Variants in RBM47 observed in about 807,000 individuals in gnomAD.
The protein encoded by RBM47 is RNA-binding protein 47.
In RBM47, 21 loss-of-function variants were observed where a neutral mutation model predicts 47.1. That is an observed-to-expected ratio of 0.45 (90% CI 0.32 to 0.64). RBM47 has a LOEUF of 0.64. Ranked by LOEUF, RBM47 falls within the 30% of genes least tolerant of loss-of-function variation. RBM47 has a pLI of 0.05. For synonymous variants in RBM47, 375 were observed against 361.7 expected (o/e 1.04, Z -0.42); for missense variants, 708 against 870.9 (o/e 0.81, Z 2.35).
intron 1 of RBM47, among the ~76,000 whole-genome samples, chr4:40,598,132 A>C (rs934395724): frequency 6.6e-6 from 1 of 152,232 alleles, no homozygotes; most frequent in Non-Finnish European, 1.5e-5. Flanking sequence ...AATTTCAATT[A>C]ACTCCTTCTA....
chr4:40,456,467 G>GAT (rs1716252711), intron 3 of RBM47, among the ~76,000 whole-genome samples: 1 of 150,418 alleles, frequency 6.6e-6, no homozygotes, highest in Non-Finnish European at 1.5e-5. Flanking sequence ...AGAATTTATA[G>GAT]ATATATATTT....
chr4:40,475,896 A>G (rs1347140809), intron 2 of RBM47: 4 of 152,236 alleles, frequency 2.6e-5, no homozygotes, highest in Non-Finnish European at 5.9e-5. Flanking sequence ...TGGGTGGTAC[A>G]GAAAGAAGGG....
At chr4:40,478,658 A>T (rs1577736765) in intron 2 of RBM47, among the ~76,000 whole-genome samples, 2 of 152,064 alleles carry the variant, frequency 1.3e-5, no homozygotes, top group Admixed American at 1.3e-4. Context: ...ATTAGTTATT[A>T]CTTTCTTATT....
chr4:40,572,749 A>T (rs1577985949), intron 1 of RBM47, among the ~76,000 whole-genome samples: 3 of 151,858 alleles, frequency 2.0e-5, no homozygotes, highest in South Asian at 2.1e-4. Flanking sequence ...TAAAAATTTT[A>T]AAAAATAATA....
At chr4:40,563,375 C>T (rs1730810304) in intron 1 of RBM47, among the ~76,000 whole-genome samples, 1 of 152,070 alleles carries the variant, frequency 6.6e-6, no homozygotes, top group African/African-American at 2.4e-5. Flanking sequence ...TCCTTTTCCC[C>T]ATCTTTAAAA....
chr4:40,490,620 C>T (rs1560414298), intron 2 of RBM47, among the ~76,000 whole-genome samples: 1 of 151,704 alleles, frequency 6.6e-6, no homozygotes, highest in Non-Finnish European at 1.5e-5. Context: ...ATTAAAAATA[C>T]AAAAATTAGC....
At chr4:40,600,952 T>A (rs1185963364) in intron 1 of RBM47, among the ~76,000 whole-genome samples, 3 of 106,730 alleles carry the variant, frequency 2.8e-5, no homozygotes, top group Non-Finnish European at 5.4e-5. Flanking sequence ...GCCACTGCAC[T>A]CTAGCCTAGG....
At chr4:40,430,233 A>AAAC (rs1560346400) in intron 6 of RBM47, among the ~76,000 whole-genome samples, 7 of 116,796 alleles carry the variant, frequency 6.0e-5, no homozygotes, top group African/African-American at 1.7e-4. Flanking sequence ...AACAAACAAA[A>AAAC]AAAGACAAAA....
chr4:40,561,604 C>T (rs1386823610), intron 1 of RBM47, among the ~76,000 whole-genome samples: 5 of 146,104 alleles, frequency 3.4e-5, no homozygotes, highest in Admixed American at 2.1e-4. Context: ...GGCTTGAGTA[C>T]GGTGGTGCAA....
At chr4:40,433,150 A>G (rs1470587506) in intron 5 of RBM47, among the ~76,000 whole-genome samples, 1 of 152,044 alleles carries the variant, frequency 6.6e-6, no homozygotes, top group Non-Finnish European at 1.5e-5. Context: ...TTGTAGAGAC[A>G]GGGTTTCGCC....
intron 2 of RBM47, among the ~76,000 whole-genome samples, chr4:40,472,882 T>C (rs1719111345): frequency 6.6e-6 from 1 of 152,094 alleles, no homozygotes; most frequent in African/African-American, 2.4e-5. Context: ...GCAAATCAGC[T>C]AAAGAAAAAA....
intron 2 of RBM47, among the ~76,000 whole-genome samples, chr4:40,510,756 T>A (rs929843070): frequency 6.6e-6 from 1 of 152,140 alleles, no homozygotes; most frequent in East Asian, 1.9e-4. Flanking sequence ...CCAGAAATGT[T>A]ATTGAAAGAT....
At chr4:40,440,433 C>T (rs1042108245) in intron 3 of RBM47, among the ~76,000 whole-genome samples, 3 of 151,928 alleles carry the variant, frequency 2.0e-5, no homozygotes, top group Non-Finnish European at 4.4e-5. Flanking sequence ...TAATTAGAAC[C>T]CGGAGTATCA....
At chr4:40,537,119 T>A (rs1471669117) in intron 2 of RBM47, among the ~76,000 whole-genome samples, 1 of 152,130 alleles carries the variant, frequency 6.6e-6, no homozygotes, top group South Asian at 2.1e-4. Context: ...TTATGTTATT[T>A]ATTTATTTTT....
chr4:40,583,516 T>C (rs1017161534), intron 1 of RBM47, among the ~76,000 whole-genome samples: 7 of 149,562 alleles, frequency 4.7e-5, no homozygotes, highest in Admixed American at 1.3e-4. Context: ...GCCTGGGCAA[T>C]GTAGTGAGAC....
chr4:40,568,158 C>A (rs547150129), intron 1 of RBM47, among the ~76,000 whole-genome samples: 11 of 151,762 alleles, frequency 7.2e-5, no homozygotes, highest in Non-Finnish European at 1.6e-4. Flanking sequence ...TGGTGGCTCA[C>A]ATGCCACCTG....
chr4:40,576,082 C>T (rs1732271865), intron 1 of RBM47, among the ~76,000 whole-genome samples: 1 of 152,238 alleles, frequency 6.6e-6, no homozygotes, highest in Admixed American at 6.5e-5. Flanking sequence ...TGCAGGCTCA[C>T]ATAGCTTGCT....
intron 2 of RBM47, among the ~76,000 whole-genome samples, chr4:40,493,422 C>A (rs1722162590): frequency 6.6e-6 from 1 of 152,124 alleles, no homozygotes; most frequent in Admixed American, 6.6e-5. Context: ...ACACTTGGCA[C>A]ACGGTAAGTG....
At chr4:40,445,835 G>C (rs939151632) in intron 3 of RBM47, among the ~76,000 whole-genome samples, 2 of 152,116 alleles carry the variant, frequency 1.3e-5, no homozygotes, top group Admixed American at 6.6e-5. Context: ...TCTTGCTTGG[G>C]GCAGAAGTGT....
Sources: gnomAD v4.1 joint callset for allele counts (sites outside exome capture counted in the v4.1 genomes callset) on GRCh38, gnomAD v4.1.1 for gene constraint, MANE v1.5 for transcripts, NCBI Gene and HGNC (gene_info 2026-07-23, HGNC 2026-07-21) for gene names.